Variants in LRP1B observed in about 807,000 individuals in gnomAD.
The protein encoded by LRP1B is low-density lipoprotein receptor-related protein 1B.
Under a neutral mutation model 556.6 loss-of-function variants are expected in LRP1B, and 217 were observed. The observed-to-expected ratio is 0.39, with a 90% CI of 0.35 to 0.44. The LOEUF is 0.44. Among genes scored for constraint, LRP1B ranks in the 20% least tolerant of loss-of-function variants. The probability of loss-of-function intolerance (pLI) is 1.00; values close to 1 mark genes in which losing one functional copy is unlikely to be tolerated. For missense variants in LRP1B, 5,053 were observed against 5,620.8 expected (o/e 0.90, Z 3.23); for synonymous variants, 2,047 against 1,865.8 (o/e 1.10, Z -2.50).
At chr2:142,061,162 G>T (rs1439502811) in intron 1 of LRP1B, among the ~76,000 whole-genome samples, 3 of 151,848 alleles carry the variant, frequency 2.0e-5, no homozygotes, top group Admixed American at 1.3e-4. Flanking sequence ...TTTTAGATAT[G>T]ACTTTGGAAA....
chr2:140,300,479 G>C (rs1683774937), intron 83 of LRP1B, among the ~76,000 whole-genome samples: 1 of 152,104 alleles, frequency 6.6e-6, no homozygotes, highest in African/African-American at 2.4e-5. Context: ...AATGATTAAG[G>C]TATAGATTTA....
chr2:141,408,455 G>T (rs72985153), intron 3 of LRP1B, among the ~76,000 whole-genome samples: 6,588 of 151,912 alleles, frequency 0.043, 475 homozygotes, highest in African/African-American at 0.15. Context: ...GGTTTCATAA[G>T]GTTTTTAAGA....
At chr2:141,420,648 A>G (rs1452998466) in intron 3 of LRP1B, among the ~76,000 whole-genome samples, 1 of 152,170 alleles carries the variant, frequency 6.6e-6, no homozygotes, top group Non-Finnish European at 1.5e-5. Flanking sequence ...GGTCACTTGC[A>G]CAGCCCTCTA....
chr2:141,477,008 A>T (rs1467736919), intron 3 of LRP1B, among the ~76,000 whole-genome samples: 4 of 152,116 alleles, frequency 2.6e-5, no homozygotes, highest in Admixed American at 1.3e-4. Flanking sequence ...CTGTAATCCC[A>T]GCTACTTGGA....
intron 21 of LRP1B, among the ~76,000 whole-genome samples, chr2:140,911,416 T>C (rs914209571): frequency 6.6e-6 from 1 of 151,760 alleles, no homozygotes; most frequent in Non-Finnish European, 1.5e-5. Flanking sequence ...TCTTCTACCG[T>C]ATACTTCGGT....
chr2:140,570,317 C>A (rs1258275153), intron 43 of LRP1B, among the ~76,000 whole-genome samples: 1 of 150,274 alleles, frequency 6.7e-6, no homozygotes, highest in African/African-American at 2.4e-5. Flanking sequence ...ACAAAAGACC[C>A]CAAAAATCAT....
At position 141,989,542 on chromosome 2, in the gene LRP1B, A is replaced by G. The variant is rs545518719; in HGVS notation, c.82+141106T>C. The stretch of plus-strand genomic sequence containing the variant: ...TATTTGATCTTTGGTATGGTTTGGC[A>G]CTGTTTGGTATGGTTTGGTATGGTT... On this transcript the variant is annotated intron_variant, in intron 1 of 90. Coordinates refer to ENST00000389484, the MANE Select transcript of LRP1B (RefSeq NM_018557.3). Among the ~76,000 whole-genome samples the G allele has an allele frequency of 3.3e-5, 5 of 151,934 alleles. 1 individual carries two copies. The South Asian group carries it at 1.0e-3, about 32-fold the overall frequency.
At chr2:140,984,332 C>A (rs1052958466) in intron 17 of LRP1B, among the ~76,000 whole-genome samples, 1 of 151,678 alleles carries the variant, frequency 6.6e-6, no homozygotes, top group Non-Finnish European at 1.5e-5. Flanking sequence ...CTTTTCCATA[C>A]CTTTCTTCCT....
intron 1 of LRP1B, among the ~76,000 whole-genome samples, chr2:141,945,123 C>A (rs1291962431): frequency 6.6e-6 from 1 of 152,062 alleles, no homozygotes; most frequent in Non-Finnish European, 1.5e-5. Flanking sequence ...TTGGAGCAGA[C>A]AACAGTTTGT....
At chr2:140,358,260 T>A in intron 73 of LRP1B, 144 bp from the exon 74 acceptor site, 1 of 678,792 alleles carries the variant, frequency 1.5e-6, no homozygotes, top group Non-Finnish European at 2.3e-6. Context: ...GCCAAATTTT[T>A]AAACATTCTG....
chr2:140,759,785 A>G (rs1688854135), intron 35 of LRP1B, among the ~76,000 whole-genome samples: 1 of 152,242 alleles, frequency 6.6e-6, no homozygotes, highest in Non-Finnish European at 1.5e-5. Context: ...AAGTCACTAC[A>G]ATAATAATTC....
intron 2 of LRP1B, among the ~76,000 whole-genome samples, chr2:141,562,948 A>G (rs1469510496): frequency 6.6e-6 from 1 of 152,036 alleles, no homozygotes; most frequent in Non-Finnish European, 1.5e-5. Context: ...CAATTAAGAA[A>G]CTATGATAAT....
intron 1 of LRP1B, among the ~76,000 whole-genome samples, chr2:141,985,791 G>T (rs1316138982): frequency 6.6e-6 from 1 of 151,794 alleles, no homozygotes; most frequent in Non-Finnish European, 1.5e-5. Context: ...GTTTGAAATT[G>T]TCTAAAATAC....
chr2:140,920,821 C>T (rs1410114769), intron 21 of LRP1B, among the ~76,000 whole-genome samples: 1 of 151,780 alleles, frequency 6.6e-6, no homozygotes, highest in African/African-American at 2.4e-5. Flanking sequence ...CTTTTGCTTA[C>T]CTAAAAACTA....
intron 1 of LRP1B, among the ~76,000 whole-genome samples, chr2:141,906,038 A>G (rs1699751563): frequency 1.3e-5 from 2 of 150,816 alleles, no homozygotes; most frequent in African/African-American, 4.9e-5. Context: ...GTGTGTATAT[A>G]CATCTCTAAA....
chr2:141,562,032 T>C (rs1686172278), intron 2 of LRP1B, among the ~76,000 whole-genome samples: 1 of 151,940 alleles, frequency 6.6e-6, no homozygotes, highest in Admixed American at 6.6e-5. Flanking sequence ...AGGATATAAA[T>C]GTAAGTAAAA....
At chr2:141,014,792 C>A (rs1315906557) in intron 13 of LRP1B, among the ~76,000 whole-genome samples, 2 of 152,064 alleles carry the variant, frequency 1.3e-5, no homozygotes, top group Non-Finnish European at 2.9e-5. Context: ...TATCTAGCAC[C>A]TGTTAAGTGT....
chr2:141,682,374 A>G (rs750017592), intron 2 of LRP1B, among the ~76,000 whole-genome samples: 1 of 152,042 alleles, frequency 6.6e-6, no homozygotes, highest in African/African-American at 2.4e-5. Context: ...TTAGGAGAGC[A>G]CTAAGCAATT....
intron 41 of LRP1B, among the ~76,000 whole-genome samples, chr2:140,691,066 CA>C (rs550140515): frequency 6.6e-6 from 1 of 151,752 alleles, no homozygotes; most frequent in East Asian, 1.9e-4. Context: ...CTTTTTAAGA[CA>C]AAAAAAGAAC....
Sources: gnomAD v4.1 joint callset for allele counts (sites outside exome capture counted in the v4.1 genomes callset) on GRCh38, gnomAD v4.1.1 for gene constraint, MANE v1.5 for transcripts, NCBI Gene and HGNC (gene_info 2026-07-23, HGNC 2026-07-21) for gene names.